Variants in SKOR1 observed in about 807,000 individuals in gnomAD.
SKOR1 encodes the protein LBX1 corepressor 1.
SKOR1 carries 38 observed loss-of-function variants against 72.4 expected under a neutral mutation model. That is an observed-to-expected ratio of 0.52 (90% CI 0.40 to 0.69). The LOEUF is 0.69. SKOR1 is among the 30% of genes least tolerant of loss of function. The pLI is 0.00. For synonymous variants in SKOR1, 642 were observed against 599.4 expected (o/e 1.07, Z -1.04); for missense variants, 1,320 against 1,343.2 (o/e 0.98, Z 0.27).
rs993884209 is a variant in SKOR1, at chr15:67,826,988, A to T, written c.1160A>T (p.Lys387Met). ...VPSKGFGLLQ[K>M]LPPPLFPHPY... ...AGCAAAGGCTTTGGGCTCCTGCAAA[A>T]GCTGCCCCCACCACTTTTCCCCCAT... Residue 387 changes from lysine (K) to methionine (M), a missense_variant, in exon 2 of 9, where the codon AAG becomes ATG. Physicochemically the swap from Lys to Met is moderately conservative, Grantham distance 95. Transcript: ENST00000380035. 1 of 1,596,098 alleles carries T rather than the reference A, an allele frequency of 6.3e-7. No individual in the cohort carries two copies. The highest frequency in any genetic ancestry group is 1.3e-5 in the African/African-American group (1 of 74,482).
chr15:67,828,557 T>G (rs939741751), intron 2 of SKOR1, among the ~76,000 whole-genome samples: 3 of 152,126 alleles, frequency 2.0e-5, no homozygotes, highest in Non-Finnish European at 4.4e-5. Context: ...GAGAGGACAG[T>G]GTGGCCTCTC....
chr15:67,832,429 T>A lies in SKOR1; in HGVS notation c.2662+81T>A. On this transcript the variant is annotated intron_variant, in intron 6 of 8. Coordinates refer to ENST00000380035, the MANE Select transcript of SKOR1 (RefSeq NM_001365915.1). This position sits in a 1 kb window ranked among gnomAD's most constrained non-coding sequence, Gnocchi z 4.5. ...GCCCCGACCTACTCCGAAAGCCGGGTGCCAGGCAACTGGTACTAGGTGCCC... is the reference window on the plus strand; with the variant it reads ...GCCCCGACCTACTCCGAAAGCCGGGAGCCAGGCAACTGGTACTAGGTGCCC... 6.6e-7 allele frequency: 1 copy of A among 1,511,202 alleles called. No homozygotes were observed. The highest frequency in any genetic ancestry group is 9.2e-7 in the Non-Finnish European group (1 of 1,091,618). The allele number at this position is 1,511,202 out of a possible 1,614,324, so 93.6% of individuals were successfully genotyped here. A position where few individuals can be genotyped will look rare whatever the true frequency, so the allele number is the denominator to read the frequency against.
Position 67,832,795 on chromosome 15 carries a change from T to C in SKOR1, c.2737+114T>C. On this transcript the variant is annotated intron_variant, in intron 7 of 8. Transcript: ENST00000380035. This position sits in a 1 kb window ranked among gnomAD's most constrained non-coding sequence, Gnocchi z 4.5. ...TAAATTGAAGGTAATTTAACAATTA[T>C]TTTTTTATTTAATATGCTTTGTATA... is the stretch of plus-strand genomic sequence containing the variant. The C allele has an allele frequency of 1.1e-6, 1 of 883,166 alleles. No homozygotes were observed. The highest frequency in any genetic ancestry group is 2.6e-5 in the East Asian group (1 of 37,868). The allele number at this position is 883,166 out of a possible 1,614,324, so 54.7% of individuals were successfully genotyped here. A position where few individuals can be genotyped will look rare whatever the true frequency, so the allele number is the denominator to read the frequency against.
rs1430923132 is a variant in SKOR1 at position 67,833,852 on chromosome 15, ACCC to A, written c.*18_*20del. 6.2e-7 allele frequency: 1 copy of A among 1,604,204 alleles called. No individual in the cohort carries two copies. The highest frequency in any genetic ancestry group is 8.5e-7 in the Non-Finnish European group (1 of 1,178,688). On this transcript the variant is annotated 3_prime_UTR_variant, in exon 9 of 9. Coordinates refer to ENST00000380035, the MANE Select transcript of SKOR1 (RefSeq NM_001365915.1). The surrounding 1 kb of genome is among the most constrained non-coding windows in gnomAD (Gnocchi z 6.0). ...GTTGCCCTAGGGCCGGCCTGGCCGC[ACCC>A]CTGCGCCCTCAAGCCATGCTGCTCC... is the stretch of plus-strand genomic sequence containing the variant.
chr15:67,828,356 G>A (rs572824774), intron 2 of SKOR1, among the ~76,000 whole-genome samples: 8 of 152,366 alleles, frequency 5.3e-5, no homozygotes, highest in African/African-American at 1.9e-4. Context: ...GGGAAGCTGG[G>A]GGCGGCGGGA....
Position 67,832,993 on chromosome 15 carries a change from A to T in SKOR1, c.2738-199A>T. On this transcript the variant is annotated intron_variant, in intron 7 of 8. Coordinates refer to ENST00000380035, the MANE Select transcript of SKOR1 (RefSeq NM_001365915.1). The surrounding 1 kb of genome is among the most constrained non-coding windows in gnomAD (Gnocchi z 4.5). The stretch of plus-strand genomic sequence containing the variant: ...GTTTGCTTTAATTTTGGTTAGATCC[A>T]TCTGCCTTTAAGCGCCATCCCAGGC... 1 of 619,892 alleles carries T rather than the reference A, an allele frequency of 1.6e-6. No individual in the cohort carries two copies. The highest frequency in any genetic ancestry group is 2.8e-6 in the Non-Finnish European group (1 of 354,128). The allele number at this position is 619,892 out of a possible 1,614,324, so 38.4% of individuals were successfully genotyped here. A position where few individuals can be genotyped will look rare whatever the true frequency, so the allele number is the denominator to read the frequency against.
At chr15:67,829,361 A>G in intron 3 of SKOR1, 92 bp downstream of exon 3, 1 of 1,091,654 alleles carries the variant, frequency 9.2e-7, no homozygotes, top group Non-Finnish European at 1.3e-6. Flanking sequence ...AGACAAGGAG[A>G]GAGACGCAGA....
At position 67,826,741 on chromosome 15, in the gene SKOR1, G is replaced by C. The variant is rs759761817; in HGVS notation, c.913G>C (p.Gly305Arg). The change falls in exon 2 of 9, where the codon GGT (glycine) becomes CGT (arginine). Residue 305 changes from glycine to arginine, a missense_variant. This residue lies in a region of SKOR1 where 1,099 missense variants were observed against 1,025.5 expected (regional missense o/e 1.07). Transcript: ENST00000380035. ...GCAGGGGAAGGGTGGTGCTGGCGGC[G>C]GTGGCGGCGGTGGCCCAGGGTGCGG... ...GGQGKGGAGGGGGGGPGCGAE... is the reference protein window; with the variant it reads ...GGQGKGGAGGRGGGGPGCGAE... 30 of 1,536,804 alleles carry C rather than the reference G, an allele frequency of 2.0e-5. No individual in the cohort carries two copies. The South Asian group carries it at 2.8e-4, about 15-fold the overall frequency.
chr15:67,828,124 G>A lies in SKOR1; in HGVS notation c.2296G>A (p.Gly766Arg). The A allele has an allele frequency of 1.3e-6, 2 of 1,499,354 alleles. No homozygotes were observed. Among genetic ancestry groups the A allele is most frequent in the Non-Finnish European group, 1.8e-6 (2 of 1,132,026 alleles). 92.9% of individuals were successfully genotyped at this position (1,499,354 alleles called of 1,614,324 possible). Residue 766 changes from glycine (G) to arginine (R), a missense_variant, in exon 2 of 9, where the codon GGA becomes AGA. Coordinates refer to ENST00000380035, the MANE Select transcript of SKOR1 (RefSeq NM_001365915.1). ...GCTGCGAGAGCCTTGCGGGCCCCTA[G>A]GAGGCCCCGCGCCGGCCAAGGTGAG... ...YELREPCGPL[G>R]GPAPAKVFAP...
rs1395262121 is a variant in SKOR1 at position 67,829,177 on chromosome 15, A to C, written c.2317-2A>C. 1 of 1,552,716 alleles carries C rather than the reference A, an allele frequency of 6.4e-7. No homozygotes were observed. On this transcript the variant is annotated splice_acceptor_variant, in intron 2 of 8. Transcript: ENST00000380035. LOFTEE classifies it high-confidence loss of function. ...TCGCCTGTCATTTCTCGGCCGTCGC[A>C]GGTGTTCGCGCCCGAGAGGGATGAG... is the stretch of plus-strand genomic sequence containing the variant.
chr15:67,828,161 C>A lies in SKOR1; in HGVS notation c.2316+17C>A. ...CCGGCCAAGGTGAGCCCCGCGCCCG[C>A]CCCGCCAGTGGCGCCTTCCCACCTA... is the stretch of plus-strand genomic sequence containing the variant. On this transcript the variant is annotated intron_variant, in intron 2 of 8. Coordinates refer to ENST00000380035, the MANE Select transcript of SKOR1 (RefSeq NM_001365915.1). 7.0e-7 allele frequency: 1 copy of A among 1,424,104 alleles called. No homozygotes were observed. The highest frequency in any genetic ancestry group is 9.1e-7 in the Non-Finnish European group (1 of 1,101,510). The allele number at this position is 1,424,104 out of a possible 1,614,324, so 88.2% of individuals were successfully genotyped here. A position where few individuals can be genotyped will look rare whatever the true frequency, so the allele number is the denominator to read the frequency against.
At chr15:67,828,200 A>G (rs943931937) in intron 2 of SKOR1, 56 bp downstream of exon 2, 31 of 1,373,668 alleles carry the variant, frequency 2.3e-5, no homozygotes, top group African/African-American at 3.1e-5. Context: ...TGTGCGCGGC[A>G]GGGCTGCGGG....
rs1171538048 is a variant in SKOR1, at chr15:67,827,709, C to A, written c.1881C>A (p.Gly627=). The change falls in exon 2 of 9, where the codon GGC becomes GGA. Residue 627 remains glycine (G), a synonymous_variant. Transcript: ENST00000380035. The part of the protein sequence containing the change: ...GAGPARGPGP[G]AGSGGYVSPD... The stretch of plus-strand genomic sequence containing the variant: ...GGCCTGCTCGGGGGCCGGGACCCGG[C>A]GCTGGGAGCGGCGGCTACGTGAGCC... 1 of 1,541,020 alleles carries A rather than the reference C, an allele frequency of 6.5e-7. No individual in the cohort carries two copies.
In SKOR1 at chr15:67,826,759, G is replaced by C; in HGVS notation, c.931G>C (p.Gly311Arg). The change falls in exon 2 of 9, where the codon GGG (glycine) becomes CGG (arginine). Residue 311 changes from glycine to arginine, a missense_variant. Gly to Arg is a moderately radical substitution (Grantham distance 125). Around this residue, in one of 3 missense-constraint regions of SKOR1, gnomAD observed 1,099 missense variants for 1,025.5 expected, o/e 1.07. Coordinates refer to ENST00000380035, the MANE Select transcript of SKOR1 (RefSeq NM_001365915.1). The stretch of plus-strand genomic sequence containing the variant: ...TGGCGGCGGTGGCGGCGGTGGCCCA[G>C]GGTGCGGTGCAGAGATGGCCCCAGG... Reference protein sequence around the residue: ...GAGGGGGGGPGCGAEMAPGPP... With the variant: ...GAGGGGGGGPRCGAEMAPGPP... 6.5e-7 allele frequency: 1 copy of C among 1,535,824 alleles called. No homozygotes were observed. Among genetic ancestry groups the C allele is most frequent in the Non-Finnish European group, 8.7e-7 (1 of 1,145,838 alleles).
rs964898725 is a variant in SKOR1 at position 67,832,968 on chromosome 15, G to A, written c.2738-224G>A. On this transcript the variant is annotated intron_variant, in intron 7 of 8. Coordinates refer to ENST00000380035, the MANE Select transcript of SKOR1 (RefSeq NM_001365915.1). This position sits in a 1 kb window ranked among gnomAD's most constrained non-coding sequence, Gnocchi z 4.5. ...AAATTACCTGGGAAGTAATGCCTAA[G>A]TTTGCTTTAATTTTGGTTAGATCCA... 1.7e-5 allele frequency: 10 copies of A among 602,708 alleles called. No individual in the cohort carries two copies. Among genetic ancestry groups the A allele is most frequent in the Non-Finnish European group, 2.6e-5 (9 of 341,814 alleles). The allele number at this position is 602,708 out of a possible 1,614,324, so 37.3% of individuals were successfully genotyped here.
At position 67,833,880 on chromosome 15, in the gene SKOR1, C is replaced by T. The variant is rs770695165; in HGVS notation, c.*44C>T. The stretch of plus-strand genomic sequence containing the variant: ...CCTGCGCCCTCAAGCCATGCTGCTC[C>T]TTGTAAATACCCGCTGCTGCGGTGG... On this transcript the variant is annotated 3_prime_UTR_variant, in exon 9 of 9. Transcript: ENST00000380035. The surrounding 1 kb of genome is among the most constrained non-coding windows in gnomAD (Gnocchi z 6.0). 18 of 1,572,514 alleles carry T rather than the reference C, an allele frequency of 1.1e-5. No homozygotes were observed. Among genetic ancestry groups the T allele is most frequent in the Non-Finnish European group, 1.5e-5 (17 of 1,153,004 alleles).
Position 67,829,222 on chromosome 15 carries a change from T to A in SKOR1, c.2360T>A (p.Val787Glu). 1.3e-6 allele frequency: 2 copies of A among 1,575,260 alleles called. No homozygotes were observed. The highest frequency in any genetic ancestry group is 8.6e-7 in the Non-Finnish European group (1 of 1,168,108). ...GATGAGCACGTGAAGAGCGCGGCGGTGGCGCTGGGGCCCGCGGCCTCCTAC... is the reference window on the plus strand; with the variant it reads ...GATGAGCACGTGAAGAGCGCGGCGGAGGCGCTGGGGCCCGCGGCCTCCTAC... Reference protein sequence around the residue: ...ERDEHVKSAAVALGPAASYVC... With the variant: ...ERDEHVKSAAEALGPAASYVC... The change falls in exon 3 of 9, where the codon GTG becomes GAG. Residue 787 changes from valine to glutamate, a missense_variant. Physicochemically the swap from Val to Glu is moderately radical, Grantham distance 121. Around this residue, in one of 3 missense-constraint regions of SKOR1, gnomAD observed 1,099 missense variants for 1,025.5 expected, o/e 1.07. Transcript: ENST00000380035.
chr15:67,830,379 G>T (rs1439480430), intron 4 of SKOR1, 81 bp downstream of exon 4: 3 of 1,203,120 alleles, frequency 2.5e-6, no homozygotes, highest in Non-Finnish European at 3.7e-6. Context: ...AGAGGCTTGC[G>T]AGAAAGGCTT....
chr15:67,828,168 A>G (rs2090980539), intron 2 of SKOR1, 24 bp downstream of exon 2: 2 of 1,420,058 alleles, frequency 1.4e-6, no homozygotes, highest in South Asian at 1.5e-5. Context: ...CCGCCCCGCC[A>G]GTGGCGCCTT....
Sources: gnomAD v4.1 joint callset for allele counts (sites outside exome capture counted in the v4.1 genomes callset) on GRCh38, gnomAD v4.1.1 for gene constraint, gnomAD v4.1.1 regional missense constraint, Gnocchi (gnomAD v3.1) non-coding constraint, MANE v1.5 for transcripts, NCBI Gene and HGNC (gene_info 2026-07-23, HGNC 2026-07-21) for gene names.